Variants in CAPN14 observed in about 807,000 individuals in gnomAD.
The protein encoded by CAPN14 is calpain-14.
CAPN14 carries 94 observed loss-of-function variants against 101.3 expected under a neutral mutation model. The ratio of observed to expected loss-of-function variants is 0.93; its 90% CI spans 0.79 to 1.10. The LOEUF (loss-of-function observed/expected upper bound fraction) is 1.10. CAPN14 is among the 50% of genes least tolerant of loss of function. The pLI, the probability that CAPN14 is intolerant of heterozygous loss-of-function variation, is 0.00. For missense variants in CAPN14, 837 were observed against 828.4 expected (o/e 1.01, Z -0.13); for synonymous variants, 338 against 317.9 (o/e 1.06, Z -0.67).
chr2:31,173,836 T>C lies in CAPN14; in HGVS notation c.*845A>G, dbSNP rs1680164074. 6.6e-6 allele frequency: 1 copy of C among 152,160 alleles called. No individual in the cohort carries two copies. The highest frequency in any genetic ancestry group is 2.4e-5 in the African/African-American group (1 of 41,426). The allele number at this position is 152,160 out of a possible 1,614,324, so 9.4% of individuals were successfully genotyped here. ...CATAAACAAGGTGTTTCATGGTAGT[T>C]CAAAAAATCAGATATACCAACCACC... On this transcript the variant is annotated 3_prime_UTR_variant, in exon 22 of 22. Transcript: ENST00000403897.
intron 15 of CAPN14, 38 bp downstream of exon 15, chr2:31,187,720 T>C: frequency 1.3e-6 from 2 of 1,518,396 alleles, no homozygotes; most frequent in Non-Finnish European, 1.8e-6. Context: ...CTTCGTCCCC[T>C]GCTCTTCCTC....
chr2:31,206,039 T>TA (rs1682068698), intron 1 of CAPN14, among the ~76,000 whole-genome samples: 1 of 90,572 alleles, frequency 1.1e-5, no homozygotes, highest in Non-Finnish European at 2.2e-5. Context: ...TATTTATTTA[T>TA]TTTTTTTTTT....
chr2:31,231,839 C>T (rs943969137), intron 1 of CAPN14, among the ~76,000 whole-genome samples: 4 of 152,222 alleles, frequency 2.6e-5, no homozygotes, highest in African/African-American at 9.6e-5. Flanking sequence ...GGCCGCAAGC[C>T]TTGCTCCACT....
intron 10 of CAPN14, among the ~76,000 whole-genome samples, chr2:31,192,823 C>G (rs753481946): frequency 2.6e-5 from 4 of 152,168 alleles, no homozygotes; most frequent in Non-Finnish European, 4.4e-5. Context: ...TCTCCCTTGC[C>G]CCTGCTTTTA....
intron 1 of CAPN14, among the ~76,000 whole-genome samples, chr2:31,229,592 T>A (rs918968752): frequency 6.9e-6 from 1 of 144,336 alleles, no homozygotes; most frequent in African/African-American, 2.6e-5. Flanking sequence ...AGGCTGAGAA[T>A]CTCTTGAACC....
At chr2:31,207,957 G>A (rs1451117932) in intron 1 of CAPN14, among the ~76,000 whole-genome samples, 1 of 152,088 alleles carries the variant, frequency 6.6e-6, no homozygotes, top group African/African-American at 2.4e-5. Flanking sequence ...TCTGCCTAAT[G>A]GCTTTTGAAT....
At chr2:31,196,312 C>T (rs1681467803) in intron 8 of CAPN14, among the ~76,000 whole-genome samples, 1 of 152,186 alleles carries the variant, frequency 6.6e-6, no homozygotes, top group Non-Finnish European at 1.5e-5. Flanking sequence ...AATGTTAGTG[C>T]TTGTTCCTCT....
intron 1 of CAPN14, 148 bp from the exon 2 acceptor site, chr2:31,205,647 G>T (rs182592991): frequency 1.6e-6 from 1 of 613,882 alleles, no homozygotes. Context: ...TTTTGTCCCA[G>T]AGAGTGTGGG....
Position 31,205,303 on chromosome 2 carries a change from A to G in CAPN14, c.145T>C (p.Phe49Leu). 4.5e-6 allele frequency: 7 copies of G among 1,550,532 alleles called. No homozygotes were observed. Among genetic ancestry groups the G allele is most frequent in the Non-Finnish European group, 6.1e-6 (7 of 1,146,962 alleles). ...CCGATGGAGCTCAGGGTGGCCGGGAAGCTGGTGTCTTCAAAGAGGCAGCCA... is the reference window on the plus strand; with the variant it reads ...CCGATGGAGCTCAGGGTGGCCGGGAGGCTGGTGTCTTCAAAGAGGCAGCCA... ...RNGCLFEDTS[F>L]PATLSSIGSG... The change falls in exon 2 of 22, where the codon TTC becomes CTC. Residue 49 changes from phenylalanine to leucine, a missense_variant. By Grantham distance (22) the Phe-to-Leu change is conservative. Transcript: ENST00000403897.
chr2:31,232,259 A>C (rs1442210814), intron 1 of CAPN14, among the ~76,000 whole-genome samples: 1 of 152,128 alleles, frequency 6.6e-6, no homozygotes, highest in Non-Finnish European at 1.5e-5. Context: ...ATGGTAGAAA[A>C]TTCAAAATCA....
chr2:31,188,240 CT>C (rs1227431365), intron 14 of CAPN14, 77 bp downstream of exon 14: 2 of 1,322,500 alleles, frequency 1.5e-6, no homozygotes, highest in East Asian at 5.0e-5. Context: ...CCCCTGACTC[CT>C]TAACTTGAAG....
intron 8 of CAPN14, 47 bp from the exon 9 acceptor site, chr2:31,194,530 A>C (rs1223625813): frequency 7.6e-7 from 1 of 1,318,814 alleles, no homozygotes; most frequent in East Asian, 2.5e-5. Flanking sequence ...GCATGCTAGA[A>C]ATTCTTTAGT....
intron 1 of CAPN14, among the ~76,000 whole-genome samples, chr2:31,231,939 G>C (rs571218845): frequency 1.6e-4 from 24 of 152,280 alleles, no homozygotes; most frequent in Admixed American, 8.5e-4. Context: ...TTCGTATGTT[G>C]GTAGTAGCTA....
intron 10 of CAPN14, 134 bp from the exon 11 acceptor site, chr2:31,192,232 G>T: frequency 9.5e-7 from 1 of 1,051,570 alleles, no homozygotes; most frequent in Non-Finnish European, 1.3e-6. Context: ...GGACAGAGTC[G>T]GGGTCCCTTC....
At position 31,200,437 on chromosome 2, in the gene CAPN14, C is replaced by A; in HGVS notation, c.726+14G>T. 1 of 1,543,882 alleles carries A rather than the reference C, an allele frequency of 6.5e-7. No homozygotes were observed. ...GGAGAAGAGGACATTCTGCCAGTGGCAGCCCAGTCTCACCCCTGAGTGGGT... is the reference window on the plus strand; with the variant it reads ...GGAGAAGAGGACATTCTGCCAGTGGAAGCCCAGTCTCACCCCTGAGTGGGT... On this transcript the variant is annotated intron_variant, in intron 6 of 21. Coordinates refer to ENST00000403897, the MANE Select transcript of CAPN14 (RefSeq NM_001145122.2).
intron 19 of CAPN14, 84 bp downstream of exon 19, chr2:31,177,662 C>T: frequency 2.1e-6 from 2 of 975,484 alleles, no homozygotes; most frequent in South Asian, 2.8e-5. Context: ...GTTACTTCAG[C>T]ATGCCACACA....
At chr2:31,177,221 G>A (rs1231200458) in intron 19 of CAPN14, 79 bp from the exon 20 acceptor site, 1 of 903,140 alleles carries the variant, frequency 1.1e-6, no homozygotes, top group East Asian at 2.7e-5. Flanking sequence ...CCCTTCAAAT[G>A]TCCCTCCAGT....
At chr2:31,193,691 C>T (rs1428678480) in intron 9 of CAPN14, among the ~76,000 whole-genome samples, 2 of 152,192 alleles carry the variant, frequency 1.3e-5, no homozygotes, top group Non-Finnish European at 2.9e-5. Flanking sequence ...AAGATCTTTG[C>T]CCCTACTTGC....
At chr2:31,187,865 A>G (rs978003579) in intron 14 of CAPN14, 51 bp from the exon 15 acceptor site, 3 of 1,348,902 alleles carry the variant, frequency 2.2e-6, no homozygotes, top group Non-Finnish European at 3.1e-6. Flanking sequence ...GTATAAACGG[A>G]CTTTCGTGCA....
Sources: allele counts gnomAD v4.1 joint callset (sites outside exome capture counted in the v4.1 genomes callset), GRCh38; gene constraint gnomAD v4.1.1; transcripts MANE v1.5; gene names NCBI Gene and HGNC (gene_info 2026-07-23, HGNC 2026-07-21).